EPHA6: variants seen among roughly 807,000 people sequenced by gnomAD.
EPHA6 encodes EPH receptor A6, also known as ephrin type-A receptor 6.
EPHA6 carries 50 observed loss-of-function variants against 112.0 expected under a neutral mutation model. The ratio of observed to expected loss-of-function variants is 0.45; its 90% CI spans 0.36 to 0.56. EPHA6 has a LOEUF of 0.56. Among genes scored for constraint, EPHA6 ranks in the 20% least tolerant of loss-of-function variants. The pLI is 0.00. For missense variants in EPHA6, 1,280 were observed against 1,417.4 expected (o/e 0.90, Z 1.56); for synonymous variants, 529 against 490.7 (o/e 1.08, Z -1.03).
chr3:97,623,201 G>A (rs1401309736), intron 13 of EPHA6, among the ~76,000 whole-genome samples: 1 of 151,626 alleles, frequency 6.6e-6, no homozygotes, highest in Non-Finnish European at 1.5e-5. Context: ...TGAAGGTTTT[G>A]CACTGTGTTT....
chr3:96,853,671 AT>A (rs1160195932), intron 1 of EPHA6, among the ~76,000 whole-genome samples: 1 of 151,934 alleles, frequency 6.6e-6, no homozygotes, highest in Admixed American at 6.6e-5. Context: ...AATAAAATTT[AT>A]TTTGCTTTAG....
chr3:97,063,008 C>G (rs1044019484), intron 3 of EPHA6, among the ~76,000 whole-genome samples: 2 of 151,942 alleles, frequency 1.3e-5, no homozygotes, highest in Non-Finnish European at 2.9e-5. Flanking sequence ...TAAATACCCT[C>G]TCATACCAGT....
chr3:96,934,073 G>A (rs1010204954), intron 2 of EPHA6, among the ~76,000 whole-genome samples: 1 of 151,810 alleles, frequency 6.6e-6, no homozygotes, highest in African/African-American at 2.4e-5. Flanking sequence ...GCTAAAATAA[G>A]CTATTTGTTA....
rs144092620 is a variant in EPHA6, at chr3:97,733,806, C to T, written c.2935-2119C>T. Among the ~76,000 whole-genome samples, 227 of 151,976 alleles carry T rather than the reference C, an allele frequency of 1.5e-3. 3 individuals are homozygous for T. In the East Asian group the frequency reaches 0.041, roughly 27 times the overall value. ...TACCCAGAATATTAAACTTAGGATCCAAGTAAAAACATTGAAGTCCAAATA... is the reference window on the plus strand; with the variant it reads ...TACCCAGAATATTAAACTTAGGATCTAAGTAAAAACATTGAAGTCCAAATA... On this transcript the variant is annotated intron_variant, in intron 15 of 17. Transcript: ENST00000389672.
chr3:97,410,147 C>T (rs541958221), intron 6 of EPHA6, among the ~76,000 whole-genome samples: 1 of 152,036 alleles, frequency 6.6e-6, no homozygotes, highest in East Asian at 1.9e-4. Flanking sequence ...GCATACTCCT[C>T]AATATCACAC....
At chr3:97,243,843 T>G in intron 4 of EPHA6, 109 bp from the exon 5 acceptor site, 1 of 822,306 alleles carries the variant, frequency 1.2e-6, no homozygotes, top group Non-Finnish European at 1.9e-6. Flanking sequence ...GAAAAAGAGT[T>G]CAAACTAACA....
At chr3:96,886,786 G>A (rs535009904) in intron 2 of EPHA6, among the ~76,000 whole-genome samples, 6 of 152,168 alleles carry the variant, frequency 3.9e-5, no homozygotes, top group African/African-American at 1.2e-4. Context: ...TAGGTCCTAT[G>A]TGATCTATGC....
chr3:97,291,894 G>A (rs996576728), intron 5 of EPHA6, among the ~76,000 whole-genome samples: 1 of 152,202 alleles, frequency 6.6e-6, no homozygotes, highest in Non-Finnish European at 1.5e-5. Flanking sequence ...CTTAGATTTT[G>A]CTTGTGCCTG....
intron 7 of EPHA6, among the ~76,000 whole-genome samples, chr3:97,456,602 T>C (rs181475913): frequency 3.0e-4 from 45 of 152,268 alleles, no homozygotes; most frequent in Middle Eastern, 6.8e-3. Context: ...AGTATTTTAT[T>C]TTTGTTTATT....
At chr3:97,462,185 G>A (rs1186880033) in intron 7 of EPHA6, among the ~76,000 whole-genome samples, 3 of 151,936 alleles carry the variant, frequency 2.0e-5, no homozygotes, top group African/African-American at 7.3e-5. Flanking sequence ...ATTAAATGTA[G>A]GTAATAATAC....
chr3:97,178,703 G>A (rs2108445341), intron 3 of EPHA6, among the ~76,000 whole-genome samples: 1 of 152,230 alleles, frequency 6.6e-6, no homozygotes, highest in South Asian at 2.1e-4. Flanking sequence ...CCACAAAGAA[G>A]TCTGCTGCCA....
intron 14 of EPHA6, among the ~76,000 whole-genome samples, chr3:97,692,619 A>G (rs2032742938): frequency 6.6e-6 from 1 of 152,182 alleles, no homozygotes; most frequent in Admixed American, 6.5e-5. Context: ...AGTGCCTTGT[A>G]AAAAGCACTG....
chr3:97,572,434 G>C (rs561184652), intron 11 of EPHA6, among the ~76,000 whole-genome samples: 1 of 152,220 alleles, frequency 6.6e-6, no homozygotes, highest in South Asian at 2.1e-4. Context: ...ACAGGCGTGA[G>C]ACACCGCGCC....
chr3:96,860,101 G>T (rs1297385682), intron 1 of EPHA6, among the ~76,000 whole-genome samples: 1 of 152,020 alleles, frequency 6.6e-6, no homozygotes, highest in Non-Finnish European at 1.5e-5. Context: ...ATATAACAGA[G>T]ACTTAAGAAA....
At chr3:97,377,020 A>C (rs986677219) in intron 5 of EPHA6, among the ~76,000 whole-genome samples, 3 of 152,216 alleles carry the variant, frequency 2.0e-5, no homozygotes, top group Non-Finnish European at 4.4e-5. Flanking sequence ...AAGTGGAACA[A>C]ATATGATTCT....
intron 12 of EPHA6, among the ~76,000 whole-genome samples, chr3:97,603,807 T>G (rs1293129150): frequency 6.6e-6 from 1 of 151,956 alleles, no homozygotes; most frequent in Non-Finnish European, 1.5e-5. Context: ...TCTTGTTCAT[T>G]GAAGCAATTT....
intron 2 of EPHA6, among the ~76,000 whole-genome samples, chr3:96,941,892 AGCG>A (rs2040971321): frequency 7.0e-6 from 1 of 143,810 alleles, no homozygotes; most frequent in South Asian, 2.1e-4. Context: ...GGGTACCAGC[AGCG>A]GTGGCTGTAG....
chr3:97,311,748 G>T (rs1190482589), intron 5 of EPHA6, among the ~76,000 whole-genome samples: 1 of 135,540 alleles, frequency 7.4e-6, no homozygotes, highest in African/African-American at 3.2e-5. Context: ...TTCTTTTTGA[G>T]ATCTGTTTGG....
intron 7 of EPHA6, among the ~76,000 whole-genome samples, chr3:97,462,687 T>C (rs536581759): frequency 6.6e-6 from 1 of 152,304 alleles, no homozygotes; most frequent in South Asian, 2.1e-4. Flanking sequence ...ATATCTTGCT[T>C]GAAGAAGGAT....
Sources: allele counts gnomAD v4.1 joint callset (sites outside exome capture counted in the v4.1 genomes callset), GRCh38; gene constraint gnomAD v4.1.1; transcripts MANE v1.5; gene names NCBI Gene and HGNC (gene_info 2026-07-23, HGNC 2026-07-21).